The following SLC12A6 variants were observed in gnomAD, a reference collection of about 807,000 sequenced individuals.
The protein encoded by SLC12A6 is K-Cl cotransporter 3.
A neutral mutation model predicts 135.3 loss-of-function variants in SLC12A6; 66 were observed. The observed-to-expected ratio is 0.49, with a 90% CI of 0.40 to 0.60. The LOEUF (loss-of-function observed/expected upper bound fraction) is 0.60. Ranked by LOEUF, SLC12A6 falls within the 20% of genes least tolerant of loss-of-function variation. The pLI, the probability that SLC12A6 is intolerant of heterozygous loss-of-function variation, is 0.00. For synonymous variants in SLC12A6, 513 were observed against 508.8 expected (o/e 1.01, Z -0.11); for missense variants, 1,058 against 1,452.3 (o/e 0.73, Z 4.41).
intron 9 of SLC12A6, among the ~76,000 whole-genome samples, chr15:34,253,411 T>C (rs778605177): frequency 3.3e-5 from 5 of 152,182 alleles, no homozygotes; most frequent in Non-Finnish European, 7.4e-5. Context: ...TTTAGAAATT[T>C]TATGCCCCTA....
At chr15:34,239,518 G>A (rs1390325949) in intron 19 of SLC12A6, among the ~76,000 whole-genome samples, 2 of 152,036 alleles carry the variant, frequency 1.3e-5, no homozygotes, top group Non-Finnish European at 1.5e-5. Context: ...TTGTGAACAC[G>A]ATCTCCTTCC....
chr15:34,274,589 C>T (rs1002297598), intron 3 of SLC12A6, among the ~76,000 whole-genome samples: 80 of 151,930 alleles, frequency 5.3e-4, no homozygotes, highest in African/African-American at 1.7e-3. Flanking sequence ...CAGAGGTGGG[C>T]GGATCACGAG....
intron 2 of SLC12A6, among the ~76,000 whole-genome samples, chr15:34,320,090 T>C (rs1480570255): frequency 6.6e-6 from 1 of 152,216 alleles, no homozygotes; most frequent in Non-Finnish European, 1.5e-5. Flanking sequence ...ATTGATGATG[T>C]AGTATAAGGC....
At chr15:34,316,858 A>G (rs1337145362) in intron 2 of SLC12A6, among the ~76,000 whole-genome samples, 3 of 152,224 alleles carry the variant, frequency 2.0e-5, no homozygotes, top group African/African-American at 7.2e-5. Context: ...AATTTAAAAA[A>G]CAAATGAAAT....
At position 34,233,947 on chromosome 15, in the gene SLC12A6, G is replaced by A. The variant is rs777174639; in HGVS notation, c.3387C>T (p.Thr1129=). The A allele has an allele frequency of 1.7e-5, 27 of 1,601,570 alleles. No individual in the cohort carries two copies. The highest frequency in any genetic ancestry group is 3.3e-5 in the Admixed American group (2 of 59,984). The change falls in exon 26 of 26, where the codon ACC becomes ACT. Residue 1129 remains threonine (T), a synonymous_variant. Coordinates refer to ENST00000354181, the MANE Select transcript of SLC12A6 (RefSeq NM_001365088.1). Reference sequence around the variant, plus strand: ...CAAGTAGGACTCGCTCTAGTCCCTCGGTAAGCACCTCTAGGAACTCCATGT... The same window carrying A: ...CAAGTAGGACTCGCTCTAGTCCCTCAGTAAGCACCTCTAGGAACTCCATGT... The part of the protein sequence containing the change: ...ENYMEFLEVL[T]EGLERVLLVR...
At chr15:34,243,626 T>C (rs1891794863) in intron 16 of SLC12A6, among the ~76,000 whole-genome samples, 1 of 152,152 alleles carries the variant, frequency 6.6e-6, no homozygotes, top group Non-Finnish European at 1.5e-5. Flanking sequence ...AGCTAGGAAA[T>C]AGTAGAGCTG....
At chr15:34,258,034 T>C (rs1317388272) in intron 5 of SLC12A6, among the ~76,000 whole-genome samples, 1 of 152,236 alleles carries the variant, frequency 6.6e-6, no homozygotes, top group East Asian at 1.9e-4. Context: ...TTATTATACA[T>C]AGGCATTTGG....
chr15:34,311,914 T>C (rs2141078354), intron 2 of SLC12A6, among the ~76,000 whole-genome samples: 1 of 152,346 alleles, frequency 6.6e-6, no homozygotes, highest in African/African-American at 2.4e-5. Flanking sequence ...CTGAGATACC[T>C]GTCCAGGGTC....
intron 2 of SLC12A6, among the ~76,000 whole-genome samples, chr15:34,276,053 T>C (rs1483306521): frequency 1.3e-5 from 2 of 152,146 alleles, no homozygotes; most frequent in Non-Finnish European, 2.9e-5. Flanking sequence ...TGTACAACAC[T>C]GTAAATGTAA....
intron 13 of SLC12A6, among the ~76,000 whole-genome samples, chr15:34,248,568 C>CCACACACACA (rs34055235): frequency 6.7e-6 from 1 of 149,386 alleles, no homozygotes; most frequent in Admixed American, 6.7e-5. Flanking sequence ...ACACCCCCAC[C>CCACACACACA]CACACACACA....
intron 2 of SLC12A6, among the ~76,000 whole-genome samples, chr15:34,301,296 C>A (rs186629999): frequency 9.9e-5 from 15 of 152,092 alleles, no homozygotes; most frequent in African/African-American, 3.4e-4. Flanking sequence ...AAGACAAATA[C>A]CAAGAGACCA....
intron 2 of SLC12A6, among the ~76,000 whole-genome samples, chr15:34,290,892 G>C (rs1002895593): frequency 3.3e-5 from 5 of 152,090 alleles, no homozygotes; most frequent in African/African-American, 1.2e-4. Context: ...CGTGAGATGG[G>C]TCTCCTGAAT....
intron 2 of SLC12A6, among the ~76,000 whole-genome samples, chr15:34,293,892 C>T (rs1387984678): frequency 6.6e-6 from 1 of 152,188 alleles, no homozygotes; most frequent in African/African-American, 2.4e-5. Flanking sequence ...TGTGAACCAC[C>T]ATGCCCAGCC....
In SLC12A6 at chr15:34,230,014, CTTTA is replaced by C. The variant is rs899073549; in HGVS notation, c.*3863_*3866del. The C allele has an allele frequency of 5.7e-5, 33 of 574,060 alleles. No homozygotes were observed. Among genetic ancestry groups the C allele is most frequent in the South Asian group, 4.6e-5 (2 of 43,648 alleles). 35.6% of individuals were successfully genotyped at this position (574,060 alleles called of 1,614,324 possible). A position where few individuals can be genotyped will look rare whatever the true frequency, so the allele number is the denominator to read the frequency against. ...CCAAGGCTGAAAATAATGTAGAAAACTTTATTTTTGTTTCCAGTACAGAGCAAAA... is the reference window on the plus strand; with the variant it reads ...CCAAGGCTGAAAATAATGTAGAAAACTTTTTGTTTCCAGTACAGAGCAAAA... On this transcript the variant is annotated 3_prime_UTR_variant, in exon 26 of 26. Transcript: ENST00000354181.
At chr15:34,281,574 G>C (rs571644121) in intron 2 of SLC12A6, among the ~76,000 whole-genome samples, 2 of 152,332 alleles carry the variant, frequency 1.3e-5, no homozygotes, top group South Asian at 4.1e-4. Flanking sequence ...TGGATCACGA[G>C]GTCAGGAGAT....
chr15:34,318,877 C>T, intron 2 of SLC12A6: 1 of 1,365,350 alleles, frequency 7.3e-7, no homozygotes, highest in Non-Finnish European at 9.6e-7. Flanking sequence ...ACGCCTTCCA[C>T]AGTGTTTATC....
intron 2 of SLC12A6, among the ~76,000 whole-genome samples, chr15:34,286,424 T>C (rs567292673): frequency 4.6e-5 from 7 of 152,180 alleles, no homozygotes; most frequent in African/African-American, 1.4e-4. Context: ...TTTGACTCCG[T>C]AGTCTTTTGG....
intron 2 of SLC12A6, among the ~76,000 whole-genome samples, chr15:34,281,822 C>A (rs1203776493): frequency 6.6e-6 from 1 of 151,874 alleles, no homozygotes; most frequent in African/African-American, 2.4e-5. Context: ...AAATAGTAGG[C>A]AATTTTAGGC....
chr15:34,325,530 T>G (rs907458076), intron 2 of SLC12A6, among the ~76,000 whole-genome samples: 1 of 152,160 alleles, frequency 6.6e-6, no homozygotes, highest in Non-Finnish European at 1.5e-5. Context: ...AAACTAAAAA[T>G]AGAAGAATTA....
Sources: allele counts gnomAD v4.1 joint callset (sites outside exome capture counted in the v4.1 genomes callset), GRCh38; gene constraint gnomAD v4.1.1; transcripts MANE v1.5; gene names NCBI Gene and HGNC (gene_info 2026-07-23, HGNC 2026-07-21).